CACNA1D: variants seen among roughly 807,000 people sequenced by gnomAD.
CACNA1D encodes the protein calcium voltage-gated channel subunit alpha1 D.
A neutral mutation model predicts 257.1 loss-of-function variants in CACNA1D; 55 were observed. The ratio of observed to expected loss-of-function variants is 0.21; its 90% CI spans 0.17 to 0.27. The LOEUF is 0.27. Ranked by LOEUF, CACNA1D falls within the 10% of genes least tolerant of loss-of-function variation. The pLI, the probability that CACNA1D is intolerant of heterozygous loss-of-function variation, is 1.00. For synonymous variants in CACNA1D, 980 were observed against 1,014.9 expected (o/e 0.97, Z 0.65); for missense variants, 1,876 against 2,784.0 (o/e 0.67, Z 7.34).
intron 3 of CACNA1D, among the ~76,000 whole-genome samples, chr3:53,588,581 T>C (rs1465549871): frequency 6.6e-6 from 1 of 152,176 alleles, no homozygotes; most frequent in Non-Finnish European, 1.5e-5. Context: ...CTTGTGTCAG[T>C]GTCTCTAGCT....
At chr3:53,809,599 G>C in intron 46 of CACNA1D, 1 of 326,236 alleles carries the variant, frequency 3.1e-6, no homozygotes, top group South Asian at 3.0e-5. Context: ...TATAAGTGCT[G>C]GGAAGTGGTA....
intron 3 of CACNA1D, among the ~76,000 whole-genome samples, chr3:53,599,989 G>T: frequency 6.6e-6 from 1 of 152,196 alleles, no homozygotes; most frequent in Non-Finnish European, 1.5e-5. Context: ...AGTTGCTTTG[G>T]AATTACCCAA....
rs899667841 is a variant in CACNA1D, at chr3:53,813,452, T to C, written c.*2046T>C. On this transcript the variant is annotated 3_prime_UTR_variant, in exon 48 of 48. Transcript: ENST00000350061. ...ATCCTCCTGGTTCCTTCGGTGCCAA[T>C]GGTAACCTAATACCAGCCGCAGGGA... The C allele has an allele frequency of 3.9e-5, 6 of 152,246 alleles. No individual in the cohort carries two copies. Among genetic ancestry groups the C allele is most frequent in the African/African-American group, 1.4e-4 (6 of 41,454 alleles). 9.4% of individuals were successfully genotyped at this position (152,246 alleles called of 1,614,324 possible). A position where few individuals can be genotyped will look rare whatever the true frequency, so the allele number is the denominator to read the frequency against.
intron 29 of CACNA1D, among the ~76,000 whole-genome samples, chr3:53,756,858 C>G (rs889948617): frequency 6.6e-6 from 1 of 152,198 alleles, no homozygotes; most frequent in Non-Finnish European, 1.5e-5. Context: ...GCGTTTTGTC[C>G]AGGCTGCATT....
intron 3 of CACNA1D, among the ~76,000 whole-genome samples, chr3:53,542,312 G>T (rs1189924517): frequency 6.6e-6 from 1 of 152,084 alleles, no homozygotes; most frequent in Non-Finnish European, 1.5e-5. Context: ...AGATGCAGTG[G>T]CTCGTGCCTG....
chr3:53,789,594 C>T lies in CACNA1D; in HGVS notation c.4923+2642C>T, dbSNP rs372104376. ...GCCTCGGGAAGCCCCTGAGAGTGGG[C>T]GTGGCCTGTTGAGATGGAGGATGGC... On this transcript the variant is annotated intron_variant, in intron 40 of 47. Coordinates refer to ENST00000350061, the MANE Select transcript of CACNA1D (RefSeq NM_001128840.3). The surrounding 1 kb of genome is among the most constrained non-coding windows in gnomAD (Gnocchi z 4.2). Among the ~76,000 whole-genome samples, 3 of 152,222 alleles carry T rather than the reference C, an allele frequency of 2.0e-5. No individual in the cohort carries two copies. In the East Asian group the frequency reaches 5.8e-4, roughly 29 times the overall value.
chr3:53,713,543 T>TGAGA (rs58018190), intron 9 of CACNA1D, among the ~76,000 whole-genome samples: 1,727 of 120,968 alleles, frequency 0.014, 32 homozygotes, highest in South Asian at 0.078. Context: ...TGTGTGTGTG[T>TGAGA]GAGAGATTTG....
Position 53,501,606 on chromosome 3 carries a change from T to G in CACNA1D, c.378-9T>G. The G allele has an allele frequency of 6.9e-7, 1 of 1,454,268 alleles. No homozygotes were observed. The highest frequency in any genetic ancestry group is 1.1e-5 in the South Asian group (1 of 87,834). 90.1% of individuals were successfully genotyped at this position (1,454,268 alleles called of 1,614,324 possible). A position where few individuals can be genotyped will look rare whatever the true frequency, so the allele number is the denominator to read the frequency against. On this transcript the variant is annotated splice_polypyrimidine_tract_variant and intron_variant, in intron 2 of 47. Coordinates refer to ENST00000350061, the MANE Select transcript of CACNA1D (RefSeq NM_001128840.3). ...CATAACACATATATACCTTAACACATTTTTTCAGACCATTTGACATATTTA... is the reference window on the plus strand; with the variant it reads ...CATAACACATATATACCTTAACACAGTTTTTCAGACCATTTGACATATTTA...
At chr3:53,629,083 A>G (rs1475287923) in intron 3 of CACNA1D, among the ~76,000 whole-genome samples, 3 of 152,230 alleles carry the variant, frequency 2.0e-5, no homozygotes, top group African/African-American at 7.2e-5. Context: ...ACGGCTACTC[A>G]GGTCTGCTGC....
At chr3:53,591,842 G>A (rs895851601) in intron 3 of CACNA1D, among the ~76,000 whole-genome samples, 6 of 152,252 alleles carry the variant, frequency 3.9e-5, no homozygotes, top group South Asian at 4.1e-4. Context: ...TTATTTTTGC[G>A]TGGATATGAG....
chr3:53,657,147 A>G (rs568651599), intron 4 of CACNA1D, among the ~76,000 whole-genome samples: 55 of 152,272 alleles, frequency 3.6e-4, no homozygotes, highest in African/African-American at 1.3e-3. Flanking sequence ...ATATCCCTCA[A>G]CGGGCGAATG....
intron 3 of CACNA1D, among the ~76,000 whole-genome samples, chr3:53,633,345 T>C (rs2093843870): frequency 1.3e-5 from 2 of 152,128 alleles, no homozygotes; most frequent in Non-Finnish European, 2.9e-5. Flanking sequence ...AATATTAGCC[T>C]GTGTGGTGGC....
At chr3:53,732,421 T>C (rs1576491266) in intron 18 of CACNA1D, among the ~76,000 whole-genome samples, 2 of 152,184 alleles carry the variant, frequency 1.3e-5, no homozygotes, top group South Asian at 2.1e-4. Context: ...GACTGTGGAG[T>C]TGGGAGCCTA....
intron 11 of CACNA1D, among the ~76,000 whole-genome samples, chr3:53,721,753 G>A (rs1164944660): frequency 6.6e-6 from 1 of 152,060 alleles, no homozygotes; most frequent in Non-Finnish European, 1.5e-5. Flanking sequence ...TGACAACTCT[G>A]CCAGGCTCTG....
chr3:53,774,770 T>G lies in CACNA1D; in HGVS notation c.4202+92T>G, dbSNP rs866113314. On this transcript the variant is annotated intron_variant, in intron 34 of 47. Coordinates refer to ENST00000350061, the MANE Select transcript of CACNA1D (RefSeq NM_001128840.3). The surrounding 1 kb of genome is among the most constrained non-coding windows in gnomAD (Gnocchi z 4.3). ...CGGAGGACACAGGTTATTAAAGCAG[T>G]GTGCCTTTCTCAGTTGATTGTGATG... The G allele has an allele frequency of 1.6e-5, 12 of 768,354 alleles. No individual in the cohort carries two copies. In the Middle Eastern group the frequency reaches 1.2e-3, roughly 79 times the overall value. 47.6% of individuals were successfully genotyped at this position (768,354 alleles called of 1,614,324 possible). A position where few individuals can be genotyped will look rare whatever the true frequency, so the allele number is the denominator to read the frequency against.
In CACNA1D at chr3:53,506,605, C is replaced by T. The variant is rs191823362; in HGVS notation, c.483+4885C>T. Among the ~76,000 whole-genome samples the T allele has an allele frequency of 2.0e-5, 3 of 152,282 alleles. No individual in the cohort carries two copies. The East Asian group carries it at 5.8e-4, about 29-fold the overall frequency. On this transcript the variant is annotated intron_variant, in intron 3 of 47. Transcript: ENST00000350061. ...ATAAATGAATGACCATACAAGGACT[C>T]CATGGTATATTCTTGTAGATCATTA... is the stretch of plus-strand genomic sequence containing the variant.
chr3:53,681,129 T>C (rs2094425932), intron 8 of CACNA1D, among the ~76,000 whole-genome samples: 1 of 152,208 alleles, frequency 6.6e-6, no homozygotes, highest in Non-Finnish European at 1.5e-5. Context: ...AATGAGGTGT[T>C]GGTTTTAAGC....
chr3:53,744,922 A>C, intron 23 of CACNA1D, 95 bp downstream of exon 23: 1 of 763,388 alleles, frequency 1.3e-6, no homozygotes, highest in South Asian at 1.4e-5. Flanking sequence ...GGCCTGATGG[A>C]TTTTTAAAGT....
At chr3:53,576,476 A>G (rs926236220) in intron 3 of CACNA1D, among the ~76,000 whole-genome samples, 1 of 152,234 alleles carries the variant, frequency 6.6e-6, no homozygotes, top group Non-Finnish European at 1.5e-5. Context: ...GTTTTCCCAT[A>G]AGAACACAAG....
Sources: allele counts gnomAD v4.1 joint callset (sites outside exome capture counted in the v4.1 genomes callset), GRCh38; gene constraint gnomAD v4.1.1; non-coding constraint Gnocchi (gnomAD v3.1); transcripts MANE v1.5; gene names NCBI Gene and HGNC (gene_info 2026-07-23, HGNC 2026-07-21).